The following KLHL1 variants were observed in gnomAD, a reference collection of about 807,000 sequenced individuals.
KLHL1 encodes the protein kelch-like protein 1.
KLHL1 carries 47 observed loss-of-function variants against 77.7 expected under a neutral mutation model. That is an observed-to-expected ratio of 0.60 (90% CI 0.48 to 0.77). The LOEUF (loss-of-function observed/expected upper bound fraction) is 0.77, where lower values mean the gene tolerates loss of function less well. KLHL1 is among the 30% of genes least tolerant of loss of function. The probability of loss-of-function intolerance (pLI) is 0.00; values close to 1 mark genes in which losing one functional copy is unlikely to be tolerated. For missense variants in KLHL1, 925 were observed against 910.8 expected (o/e 1.02, Z -0.20); for synonymous variants, 360 against 325.2 (o/e 1.11, Z -1.15).
At chr13:69,874,303 A>G (rs1880687080) in intron 5 of KLHL1, among the ~76,000 whole-genome samples, 1 of 151,946 alleles carries the variant, frequency 6.6e-6, no homozygotes, top group Non-Finnish European at 1.5e-5. Context: ...TTATCTCTCT[A>G]TACTCACTAT....
At chr13:69,853,660 T>A (rs1879781335) in intron 5 of KLHL1, among the ~76,000 whole-genome samples, 1 of 152,006 alleles carries the variant, frequency 6.6e-6, no homozygotes, top group Non-Finnish European at 1.5e-5. Flanking sequence ...TATTCACCAG[T>A]GAATGTGATA....
At chr13:69,822,816 T>C (rs1878389994) in intron 6 of KLHL1, among the ~76,000 whole-genome samples, 1 of 152,166 alleles carries the variant, frequency 6.6e-6, no homozygotes, top group South Asian at 2.1e-4. Flanking sequence ...TATAATTATC[T>C]GATAAAGATT....
intron 1 of KLHL1, among the ~76,000 whole-genome samples, chr13:70,057,370 A>T (rs1886765460): frequency 6.6e-6 from 1 of 150,934 alleles, no homozygotes; most frequent in Non-Finnish European, 1.5e-5. Flanking sequence ...GGTTAATATT[A>T]ATTCTACTCA....
At chr13:69,956,022 A>T (rs1355627933) in intron 3 of KLHL1, among the ~76,000 whole-genome samples, 1 of 100,362 alleles carries the variant, frequency 1.0e-5, no homozygotes, top group Non-Finnish European at 2.0e-5. Context: ...TATTTGATAT[A>T]TATTTATATA....
intron 1 of KLHL1, among the ~76,000 whole-genome samples, chr13:70,048,791 T>C (rs1436697595): frequency 6.6e-6 from 1 of 152,194 alleles, no homozygotes. Context: ...AGCCCACTAC[T>C]CACCTCTTGC....
At chr13:69,996,718 T>C (rs1885160886) in intron 1 of KLHL1, among the ~76,000 whole-genome samples, 1 of 151,964 alleles carries the variant, frequency 6.6e-6, no homozygotes, top group Non-Finnish European at 1.5e-5. Flanking sequence ...AACACACTTT[T>C]CCATATGTGA....
intron 1 of KLHL1, among the ~76,000 whole-genome samples, chr13:70,048,281 A>G: frequency 6.6e-6 from 1 of 152,342 alleles, no homozygotes; most frequent in Admixed American, 6.5e-5. Context: ...GATGCTGCTT[A>G]GAATATACAA....
intron 1 of KLHL1, among the ~76,000 whole-genome samples, chr13:70,092,606 T>G (rs1322306066): frequency 1.3e-5 from 2 of 152,192 alleles, no homozygotes; most frequent in African/African-American, 2.4e-5. Flanking sequence ...TCGTAGAATG[T>G]AAAGCATTCA....
intron 7 of KLHL1, among the ~76,000 whole-genome samples, chr13:69,790,984 A>G (rs1243547138): frequency 6.6e-6 from 1 of 152,162 alleles, no homozygotes; most frequent in Non-Finnish European, 1.5e-5. Context: ...AAGGAGAAAC[A>G]TATTTAATAG....
intron 1 of KLHL1, among the ~76,000 whole-genome samples, chr13:70,035,177 C>A (rs1352874843): frequency 6.6e-6 from 1 of 151,808 alleles, no homozygotes; most frequent in Non-Finnish European, 1.5e-5. Flanking sequence ...TCACAAGAGC[C>A]AAAATTTGGA....
chr13:69,778,924 G>A (rs1229354010), intron 7 of KLHL1, among the ~76,000 whole-genome samples: 4 of 147,692 alleles, frequency 2.7e-5, no homozygotes, highest in South Asian at 4.4e-4. Context: ...TCAGCCTCCC[G>A]AGTAGTTGGG....
chr13:70,072,819 TA>T (rs34359873), intron 1 of KLHL1, among the ~76,000 whole-genome samples: 5 of 151,382 alleles, frequency 3.3e-5, no homozygotes, highest in African/African-American at 7.3e-5. Context: ...AACTTTTATT[TA>T]AAAAAAAACT....
At chr13:70,032,898 A>G (rs996056279) in intron 1 of KLHL1, among the ~76,000 whole-genome samples, 1 of 152,180 alleles carries the variant, frequency 6.6e-6, no homozygotes. Context: ...TTTTATGGTC[A>G]TTAAATATCA....
intron 8 of KLHL1, among the ~76,000 whole-genome samples, chr13:69,739,119 T>A: frequency 6.6e-6 from 1 of 152,074 alleles, no homozygotes. Context: ...AAGACAATAA[T>A]TTCCAACCTA....
chr13:69,788,012 C>G (rs2138020252), intron 7 of KLHL1, among the ~76,000 whole-genome samples: 1 of 152,316 alleles, frequency 6.6e-6, no homozygotes, highest in East Asian at 1.9e-4. Context: ...CAGGAAACAA[C>G]AGGTGCTGGA....
chr13:70,012,013 C>T (rs1046895378), intron 1 of KLHL1, among the ~76,000 whole-genome samples: 3 of 152,048 alleles, frequency 2.0e-5, no homozygotes, highest in Admixed American at 6.6e-5. Flanking sequence ...AGCAGGGGAA[C>T]TCCTCTTTAT....
chr13:70,049,668 C>T (rs1324500578), intron 1 of KLHL1, among the ~76,000 whole-genome samples: 1 of 152,016 alleles, frequency 6.6e-6, no homozygotes, highest in Non-Finnish European at 1.5e-5. Context: ...GTACATTATC[C>T]TATTTTAACT....
chr13:69,846,490 G>A (rs1454637415), intron 5 of KLHL1, among the ~76,000 whole-genome samples: 1 of 151,388 alleles, frequency 6.6e-6, no homozygotes, highest in Non-Finnish European at 1.5e-5. Flanking sequence ...TGCCAGAAAT[G>A]TCATGAACTT....
chr13:70,026,438 T>C (rs1885942734), intron 1 of KLHL1, among the ~76,000 whole-genome samples: 1 of 152,086 alleles, frequency 6.6e-6, no homozygotes, highest in Non-Finnish European at 1.5e-5. Flanking sequence ...TTTTACAAGG[T>C]TCTAATTTGT....
Sources: allele counts gnomAD v4.1 joint callset (sites outside exome capture counted in the v4.1 genomes callset), GRCh38; gene constraint gnomAD v4.1.1; transcripts MANE v1.5; gene names NCBI Gene and HGNC (gene_info 2026-07-23, HGNC 2026-07-21).